Variants in DIPK2A observed in about 807,000 individuals in gnomAD.
DIPK2A encodes divergent protein kinase domain 2A, also known as Golgi Protein of 49 kDa.
A neutral mutation model predicts 39.0 loss-of-function variants in DIPK2A; 27 were observed. That is an observed-to-expected ratio of 0.69 (90% CI 0.51 to 0.96). The LOEUF (loss-of-function observed/expected upper bound fraction) is 0.96. Among genes scored for constraint, DIPK2A ranks in the 40% least tolerant of loss-of-function variants. The probability of loss-of-function intolerance (pLI) is 0.00; values close to 1 mark genes in which losing one functional copy is unlikely to be tolerated. For missense variants in DIPK2A, 528 were observed against 571.3 expected (o/e 0.92, Z 0.77); for synonymous variants, 298 against 240.8 (o/e 1.24, Z -2.20).
In DIPK2A at chr3:143,984,860, G is replaced by A. The variant is rs112349729; in HGVS notation, c.658-683G>A. Among the ~76,000 whole-genome samples, 1,309 of 152,194 alleles carry A rather than the reference G, an allele frequency of 8.6e-3. 12 individuals carry two copies. Among genetic ancestry groups the A allele is most frequent in the African/African-American group, 0.029 (1,220 of 41,508 alleles). On this transcript the variant is annotated intron_variant, in intron 1 of 2. Transcript: ENST00000315691. ...GCTCAGAGTGGAGGTTGCATTAATA[G>A]GATATCAGTTTGTCCCTTCCCAACC...
Position 143,989,987 on chromosome 3 carries a change from C to A in DIPK2A, c.*146C>A. On this transcript the variant is annotated 3_prime_UTR_variant, in exon 3 of 3. Transcript: ENST00000315691. ...ACTGATAGATCTTAATGTTAACATC[C>A]ATCAAAATAAGACATTACTTCAAAA... The A allele has an allele frequency of 1.6e-6, 1 of 624,966 alleles. No individual in the cohort carries two copies. The highest frequency in any genetic ancestry group is 2.8e-6 in the Non-Finnish European group (1 of 360,814). 38.7% of individuals were successfully genotyped at this position (624,966 alleles called of 1,614,324 possible).
intron 2 of DIPK2A, among the ~76,000 whole-genome samples, chr3:143,986,581 G>A (rs567038228): frequency 9.9e-5 from 15 of 151,992 alleles, no homozygotes; most frequent in Middle Eastern, 6.8e-3. Context: ...AAAATTAGCC[G>A]GGCGAGGTGG....
rs952362082 is a variant in DIPK2A at position 143,991,835 on chromosome 3, TATA to T, written c.*1998_*2000del. 33 of 152,192 alleles carry T rather than the reference TATA, an allele frequency of 2.2e-4. No individual in the cohort carries two copies. The highest frequency in any genetic ancestry group is 4.0e-4 in the Non-Finnish European group (27 of 68,008). 9.4% of individuals were successfully genotyped at this position (152,192 alleles called of 1,614,324 possible). A position where few individuals can be genotyped will look rare whatever the true frequency, so the allele number is the denominator to read the frequency against. ...TTTGATAAGTTTTCATTATAAACCTTATAATACCAGTCACAAAGAGGTTGTCTG... is the reference window on the plus strand; with the variant it reads ...TTTGATAAGTTTTCATTATAAACCTTATACCAGTCACAAAGAGGTTGTCTG... On this transcript the variant is annotated 3_prime_UTR_variant, in exon 3 of 3. Coordinates refer to ENST00000315691, the MANE Select transcript of DIPK2A (RefSeq NM_173552.5).
At position 143,989,776 on chromosome 3, in the gene DIPK2A, G is replaced by A. The variant is rs1193172733; in HGVS notation, c.1228G>A (p.Gly410Ser). 2 of 1,614,026 alleles carry A rather than the reference G, an allele frequency of 1.2e-6. No individual in the cohort carries two copies. The highest frequency in any genetic ancestry group is 2.2e-5 in the South Asian group (2 of 91,086). ...DECANPKKRYGRFQAAKELRE... is the reference protein window; with the variant it reads ...DECANPKKRYSRFQAAKELRE... ...GTGTGCCAACCCAAAGAAGCGCTAT[G>A]GCAGATTCCAGGCTGCAAAAGAACT... is the stretch of plus-strand genomic sequence containing the variant. The change falls in exon 3 of 3, where the codon GGC becomes AGC. Residue 410 changes from glycine to serine, a missense_variant. Transcript: ENST00000315691.
intron 1 of DIPK2A, 104 bp downstream of exon 1, chr3:143,973,093 G>A (rs896012008): frequency 7.1e-7 from 1 of 1,406,724 alleles, no homozygotes; most frequent in East Asian, 2.5e-5. Context: ...TTCGGACTCG[G>A]CCGGGCTGGG....
At chr3:143,973,066 C>G in intron 1 of DIPK2A, 77 bp downstream of exon 1, 1 of 1,483,896 alleles carries the variant, frequency 6.7e-7, no homozygotes. Flanking sequence ...AGTGGCTCAG[C>G]CAGCGCTTGC....
intron 1 of DIPK2A, chr3:143,978,642 A>ATATATATATATATATATC (rs2087775041): frequency 2.9e-5 from 1 of 34,520 alleles, no homozygotes. Flanking sequence ...ATATATATCT[A>ATATATATATATATATATC]TATATATATA....
intron 1 of DIPK2A, among the ~76,000 whole-genome samples, chr3:143,976,416 G>A (rs1576806257): frequency 6.6e-6 from 1 of 151,874 alleles, no homozygotes; most frequent in African/African-American, 2.4e-5. Flanking sequence ...GTGTAAATAG[G>A]AATCTTGAAG....
intron 1 of DIPK2A, among the ~76,000 whole-genome samples, chr3:143,980,720 AGTTT>A (rs1387399777): frequency 1.3e-5 from 2 of 151,700 alleles, no homozygotes; most frequent in Non-Finnish European, 2.9e-5. Context: ...TTTTGAAGTT[AGTTT>A]GTTTATACTA....
chr3:143,975,043 T>G (rs568859030), intron 1 of DIPK2A, among the ~76,000 whole-genome samples: 1 of 152,146 alleles, frequency 6.6e-6, no homozygotes, highest in Non-Finnish European at 1.5e-5. Flanking sequence ...AAAAGCACAA[T>G]TATTTTCTTA....
intron 1 of DIPK2A, chr3:143,978,592 ATC>A (rs1339244139): frequency 2.8e-3 from 205 of 73,978 alleles, no homozygotes; most frequent in African/African-American, 0.025. Context: ...ATCTATATCT[ATC>A]TATCTATCTA....
intron 1 of DIPK2A, among the ~76,000 whole-genome samples, chr3:143,981,392 ATTTCCCCATTCAT>A (rs1169170485): frequency 3.9e-5 from 6 of 152,062 alleles, no homozygotes; most frequent in African/African-American, 1.4e-4. Context: ...ACCGCAAGTC[ATTTCCCCATTCAT>A]TTCACTGCAG....
intron 2 of DIPK2A, 46 bp from the exon 3 acceptor site, chr3:143,989,464 C>T: frequency 1.6e-6 from 2 of 1,284,906 alleles, no homozygotes; most frequent in Non-Finnish European, 2.2e-6. Context: ...GCAATGAAAA[C>T]TATTTAAAAA....
chr3:143,978,043 A>G (rs2087755928), intron 1 of DIPK2A, among the ~76,000 whole-genome samples: 1 of 152,068 alleles, frequency 6.6e-6, no homozygotes, highest in Non-Finnish European at 1.5e-5. Context: ...AGGTTAGCAC[A>G]TATTCTCACA....
rs1308654681 is a variant in DIPK2A, at chr3:143,973,149, G to A, written c.657+160G>A. 9.8e-6 allele frequency: 11 copies of A among 1,127,146 alleles called. No individual in the cohort carries two copies. In the Admixed American group the frequency reaches 2.0e-4, roughly 20 times the overall value. 69.8% of individuals were successfully genotyped at this position (1,127,146 alleles called of 1,614,324 possible). ...GGGGCGTCTCCGGGGGAGCCCCGGG[G>A]CTGTGCAGGGAGGCCGAGGGCGACC... On this transcript the variant is annotated intron_variant, in intron 1 of 2. Coordinates refer to ENST00000315691, the MANE Select transcript of DIPK2A (RefSeq NM_173552.5).
intron 1 of DIPK2A, among the ~76,000 whole-genome samples, chr3:143,978,143 G>C (rs1181782615): frequency 6.6e-6 from 1 of 151,834 alleles, no homozygotes; most frequent in African/African-American, 2.4e-5. Context: ...TTTTTATTCT[G>C]TTTTTTTGGT....
In DIPK2A at chr3:143,989,558, G is replaced by C; in HGVS notation, c.1010G>C (p.Cys337Ser). 1 of 1,614,200 alleles carries C rather than the reference G, an allele frequency of 6.2e-7. No homozygotes were observed. Among genetic ancestry groups the C allele is most frequent in the South Asian group, 1.1e-5 (1 of 91,088 alleles). The change falls in exon 3 of 3, where the codon TGT becomes TCT. Residue 337 changes from cysteine (C) to serine (S), a missense_variant. Coordinates refer to ENST00000315691, the MANE Select transcript of DIPK2A (RefSeq NM_173552.5). ...DVWYESKFDD[C>S]DKEACLSFSK... ...TGGTATGAAAGCAAGTTTGATGACT[G>C]TGATAAGGAGGCTTGCTTATCATTT...
At chr3:143,986,091 A>G (rs1316518900) in intron 2 of DIPK2A, 3 of 457,000 alleles carry the variant, frequency 6.6e-6, no homozygotes. Context: ...CCTACGGGAC[A>G]TCATAGCTTA....
chr3:143,976,584 G>GAGAGAGAGAGAGAGAGA (rs3083098), intron 1 of DIPK2A, among the ~76,000 whole-genome samples: 2 of 139,588 alleles, frequency 1.4e-5, no homozygotes, highest in African/African-American at 5.7e-5. Context: ...GAGAGAGAGA[G>GAGAGAGAGAGAGAGAGA]ATGCTGTCTG....
Sources: gnomAD v4.1 joint callset for allele counts (sites outside exome capture counted in the v4.1 genomes callset) on GRCh38, gnomAD v4.1.1 for gene constraint, MANE v1.5 for transcripts, NCBI Gene and HGNC (gene_info 2026-07-23, HGNC 2026-07-21) for gene names.